Variants in SLC44A5 observed in about 807,000 individuals in gnomAD.
SLC44A5 encodes the protein choline transporter-like protein 5.
Under a neutral mutation model 101.8 loss-of-function variants are expected in SLC44A5, and 57 were observed. That is an observed-to-expected ratio of 0.56 (90% CI 0.45 to 0.70). The LOEUF is 0.70. Ranked by LOEUF, SLC44A5 falls within the 30% of genes least tolerant of loss-of-function variation. The probability of loss-of-function intolerance (pLI) is 0.00; values close to 1 mark genes in which losing one functional copy is unlikely to be tolerated. For synonymous variants in SLC44A5, 281 were observed against 290.9 expected (o/e 0.97, Z 0.35); for missense variants, 737 against 853.1 (o/e 0.86, Z 1.70).
At chr1:75,256,733 G>C (rs1360401877) in intron 6 of SLC44A5, among the ~76,000 whole-genome samples, 1 of 152,022 alleles carries the variant, frequency 6.6e-6, no homozygotes, top group African/African-American at 2.4e-5. Flanking sequence ...GAAGGGTAGG[G>C]GTGATAATAT....
the SLC44A5 span, among the ~76,000 whole-genome samples, chr1:75,645,970 C>T: frequency 3.8e-5 from 5 of 133,238 alleles, no homozygotes; most frequent in East Asian, 4.2e-4. Context: ...CTGAGGACTC[C>T]GTTCTGTTCC....
chr1:75,593,399 A>G (rs918855306), intron 1 of SLC44A5, among the ~76,000 whole-genome samples: 1 of 152,170 alleles, frequency 6.6e-6, no homozygotes, highest in African/African-American at 2.4e-5. Context: ...AATGTAAATT[A>G]GTACAACCAC....
At chr1:75,266,352 C>T (rs961090060) in intron 6 of SLC44A5, among the ~76,000 whole-genome samples, 13 of 149,800 alleles carry the variant, frequency 8.7e-5, no homozygotes, top group Non-Finnish European at 1.2e-4. Flanking sequence ...CACACACACA[C>T]ATTTATTTGT....
intron 2 of SLC44A5, among the ~76,000 whole-genome samples, chr1:75,536,657 A>AAAAT (rs1435182813): frequency 2.0e-5 from 3 of 146,560 alleles, no homozygotes; most frequent in East Asian, 2.0e-4. Context: ...CCCATGATAA[A>AAAAT]AAATAAATAA....
intron 5 of SLC44A5, among the ~76,000 whole-genome samples, chr1:75,287,426 CTTTTTTT>C (rs371647505): frequency 2.7e-4 from 19 of 69,906 alleles, no homozygotes; most frequent in East Asian, 5.3e-4. Flanking sequence ...CTTCTGAATT[CTTTTTTT>C]TTTTTTTTTT....
chr1:75,675,837 G>A, the SLC44A5 span, among the ~76,000 whole-genome samples: 2 of 152,102 alleles, frequency 1.3e-5, no homozygotes, highest in East Asian at 1.9e-4. Flanking sequence ...GAATCTACAA[G>A]GAACTTAAAT....
At chr1:75,258,924 C>T (rs1407023561) in intron 6 of SLC44A5, among the ~76,000 whole-genome samples, 1 of 152,114 alleles carries the variant, frequency 6.6e-6, no homozygotes, top group Admixed American at 6.5e-5. Flanking sequence ...AGCAGACCTG[C>T]AGCAGAGGGG....
intron 1 of SLC44A5, chr1:75,582,533 G>A (rs964985076): frequency 5.6e-5 from 30 of 537,860 alleles, no homozygotes; most frequent in Non-Finnish European, 7.3e-5. Context: ...TCCCAAAGGC[G>A]CCCAGGCCAC....
chr1:75,355,981 G>A (rs1354801704), intron 3 of SLC44A5, among the ~76,000 whole-genome samples: 2 of 151,880 alleles, frequency 1.3e-5, no homozygotes, highest in East Asian at 3.9e-4. Context: ...GGAAGCGGAG[G>A]TGGGCAGATC....
chr1:75,463,919 T>A (rs1666658846), intron 2 of SLC44A5, among the ~76,000 whole-genome samples: 1 of 151,594 alleles, frequency 6.6e-6, no homozygotes, highest in Admixed American at 6.6e-5. Flanking sequence ...CATAGCACAA[T>A]AAGATATAAA....
chr1:75,435,399 T>G (rs1287710081), intron 2 of SLC44A5, among the ~76,000 whole-genome samples: 2 of 152,192 alleles, frequency 1.3e-5, no homozygotes, highest in African/African-American at 4.8e-5. Flanking sequence ...ATCTTTTACA[T>G]CAGCATCACT....
intron 2 of SLC44A5, among the ~76,000 whole-genome samples, chr1:75,500,876 A>G (rs1287587419): frequency 6.6e-6 from 1 of 152,110 alleles, no homozygotes; most frequent in Non-Finnish European, 1.5e-5. Flanking sequence ...CAACTCTCTC[A>G]TTTTCTAGTT....
intron 1 of SLC44A5, among the ~76,000 whole-genome samples, chr1:75,594,753 A>G (rs1165081116): frequency 6.6e-6 from 1 of 151,962 alleles, no homozygotes; most frequent in Admixed American, 6.6e-5. Flanking sequence ...TGTAACAGAA[A>G]AAGGCAGAGG....
chr1:75,441,434 C>A (rs1665190365), intron 2 of SLC44A5, among the ~76,000 whole-genome samples: 1 of 146,388 alleles, frequency 6.8e-6, no homozygotes. Context: ...ATGGAGAAAA[C>A]AAATTAATAT....
chr1:75,226,743 A>G (rs1647204655), intron 13 of SLC44A5, among the ~76,000 whole-genome samples: 1 of 152,106 alleles, frequency 6.6e-6, no homozygotes, highest in African/African-American at 2.4e-5. Context: ...TTAAAGCAAC[A>G]TGTAGTTAGA....
chr1:75,584,988 T>C (rs563273827), intron 1 of SLC44A5, among the ~76,000 whole-genome samples: 1 of 152,336 alleles, frequency 6.6e-6, no homozygotes, highest in Admixed American at 6.5e-5. Context: ...TCTAATTTTA[T>C]ACATAAATAT....
the SLC44A5 span, among the ~76,000 whole-genome samples, chr1:75,655,994 A>C: frequency 6.6e-6 from 1 of 152,170 alleles, no homozygotes; most frequent in Admixed American, 6.5e-5. Flanking sequence ...TTAAAGGGAA[A>C]TCCTTAAAGC....
intron 2 of SLC44A5, among the ~76,000 whole-genome samples, chr1:75,475,813 C>T (rs950852493): frequency 2.6e-5 from 4 of 152,204 alleles, no homozygotes; most frequent in Non-Finnish European, 5.9e-5. Flanking sequence ...TTACCACTTA[C>T]TAATTATGTG....
intron 23 of SLC44A5, among the ~76,000 whole-genome samples, chr1:75,209,773 C>G (rs1426134979): frequency 6.6e-6 from 1 of 152,124 alleles, no homozygotes; most frequent in Non-Finnish European, 1.5e-5. Context: ...GTGGGTTATT[C>G]TAAAATGCAA....
Sources: gnomAD v4.1 joint callset for allele counts (sites outside exome capture counted in the v4.1 genomes callset) on GRCh38, gnomAD v4.1.1 for gene constraint, MANE v1.5 for transcripts, NCBI Gene and HGNC (gene_info 2026-07-23, HGNC 2026-07-21) for gene names.